Variants in PHGDH observed in about 807,000 individuals in gnomAD.
The protein encoded by PHGDH is D-3-phosphoglycerate dehydrogenase.
PHGDH carries 50 observed loss-of-function variants against 52.6 expected under a neutral mutation model. The observed-to-expected ratio is 0.95, with a 90% CI of 0.76 to 1.20. The LOEUF is 1.20. PHGDH is among the 50% of genes most tolerant of loss of function. The pLI, the probability that PHGDH is intolerant of heterozygous loss-of-function variation, is 0.00. For synonymous variants in PHGDH, 271 were observed against 280.5 expected, an observed-to-expected ratio of 0.97 and a Z score of 0.34; for missense variants, 630 against 684.6, an observed-to-expected ratio of 0.92 and a Z score of 0.89.
chr1:119,731,047 C>G lies in PHGDH; in HGVS notation c.511-3587C>G, dbSNP rs186545101. On this transcript the variant is annotated intron_variant, in intron 5 of 11. Coordinates refer to ENST00000641023, the MANE Select transcript of PHGDH (RefSeq NM_006623.4). Reference sequence around the variant, plus strand: ...CCCTACTTGTGGGTCCAAAAAGCAGCTAGACAAGTTTTAGATGTAGAAGCA... The same window carrying G: ...CCCTACTTGTGGGTCCAAAAAGCAGGTAGACAAGTTTTAGATGTAGAAGCA... 3.4e-4 allele frequency among the ~76,000 whole-genome samples: 52 copies of G among 152,324 alleles called. 1 individual carries two copies. Among genetic ancestry groups the G allele is most frequent in the Non-Finnish European group, 4.9e-4 (33 of 68,032 alleles).
chr1:119,725,076 G>A, intron 3 of PHGDH: 2 of 444,530 alleles, frequency 4.5e-6, no homozygotes, highest in South Asian at 3.2e-5. Flanking sequence ...CTCCTGAGGT[G>A]CAGAAGAACA....
chr1:119,734,481 T>C, intron 5 of PHGDH, 153 bp from the exon 6 acceptor site: 3 of 769,088 alleles, frequency 3.9e-6, no homozygotes. Flanking sequence ...TGGAACATGG[T>C]ACTTAGTGTA....
chr1:119,712,813 C>T (rs1353758408), intron 1 of PHGDH, among the ~76,000 whole-genome samples: 3 of 152,298 alleles, frequency 2.0e-5, no homozygotes, highest in East Asian at 1.9e-4. Flanking sequence ...AAGACTGCTC[C>T]GTGCTTTCGC....
At chr1:119,721,145 G>T in intron 1 of PHGDH, 25 bp from the exon 2 acceptor site, 1 of 1,613,064 alleles carries the variant, frequency 6.2e-7, no homozygotes, top group Non-Finnish European at 8.5e-7. Context: ...TGACTTTCTG[G>T]ACCCAAATGT....
At chr1:119,722,070 C>T (rs1008914456) in intron 2 of PHGDH, among the ~76,000 whole-genome samples, 1 of 152,258 alleles carries the variant, frequency 6.6e-6, no homozygotes, top group East Asian at 1.9e-4. Context: ...CACTGCACTT[C>T]CCCCTGTAGG....
intron 8 of PHGDH, among the ~76,000 whole-genome samples, chr1:119,737,573 C>A (rs895988762): frequency 6.6e-6 from 1 of 152,126 alleles, no homozygotes; most frequent in Non-Finnish European, 1.5e-5. Context: ...CTCCACATGC[C>A]GTGGGAGTGA....
intron 5 of PHGDH, among the ~76,000 whole-genome samples, chr1:119,732,864 G>A (rs587732358): frequency 1.6e-4 from 24 of 152,288 alleles, no homozygotes; most frequent in African/African-American, 5.3e-4. Context: ...GCATGGAGTA[G>A]ACGTCAGTCA....
intron 2 of PHGDH, among the ~76,000 whole-genome samples, chr1:119,722,079 G>A (rs746546341): frequency 4.2e-4 from 64 of 152,212 alleles, no homozygotes; most frequent in Non-Finnish European, 8.4e-4. Flanking sequence ...TCCCCCTGTA[G>A]GGTAGAGGTT....
Position 119,737,108 on chromosome 1 carries a change from G to T in PHGDH, c.793-6G>T, listed in dbSNP as rs759639493. ...AGCCAACTTAGAGGTATCTCTTTCT[G>T]GGCAGGAGCCGCCACGGGACCGGGC... On this transcript the variant is annotated splice_region_variant and splice_polypyrimidine_tract_variant and intron_variant, in intron 7 of 11. Coordinates refer to ENST00000641023, the MANE Select transcript of PHGDH (RefSeq NM_006623.4). The T allele has an allele frequency of 1.2e-5, 20 of 1,613,800 alleles. No homozygotes were observed. The highest frequency in any genetic ancestry group is 1.7e-5 in the Non-Finnish European group (20 of 1,179,920).
Position 119,721,329 on chromosome 1 carries a change from A to T in PHGDH, c.290+8A>T. The T allele has an allele frequency of 6.2e-7, 1 of 1,612,534 alleles. No individual in the cohort carries two copies. Among genetic ancestry groups the T allele is most frequent in the Non-Finnish European group, 8.5e-7 (1 of 1,178,982 alleles). ...GGGCATCTTGGTTATGAAGTAAGTC[A>T]TGGAGGCTGCGGGCGGTTTGGGGGT... On this transcript the variant is annotated splice_region_variant and intron_variant, in intron 2 of 11. Coordinates refer to ENST00000641023, the MANE Select transcript of PHGDH (RefSeq NM_006623.4).
At chr1:119,742,144 T>G in intron 10 of PHGDH, 1 of 546,680 alleles carries the variant, frequency 1.8e-6, no homozygotes, top group Non-Finnish European at 3.3e-6. Context: ...TGTCCCCATT[T>G]CACAGCCAAA....
intron 2 of PHGDH, among the ~76,000 whole-genome samples, 180 bp from the exon 3 acceptor site, chr1:119,723,196 G>A (rs1227830009): frequency 2.6e-5 from 4 of 152,146 alleles, no homozygotes; most frequent in South Asian, 2.1e-4. Flanking sequence ...CAGGGGAAGG[G>A]GGTTTCTTTC....
intron 1 of PHGDH, among the ~76,000 whole-genome samples, chr1:119,713,846 C>T (rs985553395): frequency 9.9e-5 from 15 of 151,986 alleles, no homozygotes; most frequent in African/African-American, 1.9e-4. Context: ...AACCTGATAC[C>T]CCAGTGAGGG....
At chr1:119,720,265 T>A (rs764228925) in intron 1 of PHGDH, 1 of 152,216 alleles carries the variant, frequency 6.6e-6, no homozygotes, top group African/African-American at 2.4e-5. Context: ...ATTTTTTGCA[T>A]ATGTATATTT....
At chr1:119,736,705 C>T (rs772742123) in intron 7 of PHGDH, among the ~76,000 whole-genome samples, 13 of 152,144 alleles carry the variant, frequency 8.5e-5, no homozygotes, top group Admixed American at 3.9e-4. Context: ...GGGTGAGTTT[C>T]GGGGAAAAGC....
chr1:119,721,392 A>T, intron 2 of PHGDH, 71 bp downstream of exon 2: 1 of 1,488,146 alleles, frequency 6.7e-7, no homozygotes, highest in East Asian at 2.3e-5. Context: ...ACCTAGGGAG[A>T]AAAAACTCAC....
chr1:119,740,539 A>AG, intron 9 of PHGDH, 21 bp downstream of exon 9: 1 of 1,545,062 alleles, frequency 6.5e-7, no homozygotes, highest in Non-Finnish European at 8.8e-7. Flanking sequence ...GACCTTGCAG[A>AG]GGGAGGGGGA....
intron 7 of PHGDH, among the ~76,000 whole-genome samples, chr1:119,735,791 A>G (rs1477265895): frequency 6.6e-6 from 1 of 152,218 alleles, no homozygotes; most frequent in Non-Finnish European, 1.5e-5. Flanking sequence ...GCTTTAGTGT[A>G]TAGTTGAGGG....
chr1:119,712,056 A>G lies in PHGDH; in HGVS notation c.34A>G (p.Ser12Gly), dbSNP rs764316050. ...TGCAAATCTGCGGAAAGTGCTCATC[A>G]GTGACAGCCTGGACCCTTGCTGCCG... is the stretch of plus-strand genomic sequence containing the variant. ...AFANLRKVLI[S>G]DSLDPCCRKI... The change falls in exon 1 of 12, where the codon AGT becomes GGT. Residue 12 changes from serine to glycine, a missense_variant. By Grantham distance (56) the Ser-to-Gly change is moderately conservative (BLOSUM62 0). Coordinates refer to ENST00000641023, the MANE Select transcript of PHGDH (RefSeq NM_006623.4). 17 of 1,614,100 alleles carry G rather than the reference A, an allele frequency of 1.1e-5. No individual in the cohort carries two copies. Among genetic ancestry groups the G allele is most frequent in the Admixed American group, 1.0e-4 (6 of 60,014 alleles).
Sources: allele counts gnomAD v4.1 joint callset (sites outside exome capture counted in the v4.1 genomes callset), GRCh38; gene constraint gnomAD v4.1.1; transcripts MANE v1.5; gene names NCBI Gene and HGNC (gene_info 2026-07-23, HGNC 2026-07-21).